The following PPP1R3F variants were observed in gnomAD, a reference collection of about 807,000 sequenced individuals.
PPP1R3F encodes the protein protein phosphatase 1 regulatory subunit 3F.
PPP1R3F carries 29 observed loss-of-function variants against 24.2 expected under a neutral mutation model. That is an observed-to-expected ratio of 1.20 (90% CI 0.89 to 1.63). PPP1R3F has a LOEUF of 1.63. Among genes scored for constraint, PPP1R3F ranks in the 40% most tolerant of loss-of-function variants. The pLI, the probability that PPP1R3F is intolerant of heterozygous loss-of-function variation, is 0.00. For synonymous variants in PPP1R3F, 363 were observed against 340.1 expected, an observed-to-expected ratio of 1.07 and a Z score of -0.74; for missense variants, 823 against 729.3, an observed-to-expected ratio of 1.13 and a Z score of -1.48.
chrX:49,282,493 GTT>G (rs1396737646), intron 3 of PPP1R3F, among the ~76,000 whole-genome samples: 4 of 80,875 alleles, frequency 4.9e-5, no homozygotes, highest in East Asian at 4.1e-4. Context: ...GTGTGTGTGT[GTT>G]GTGGGCGGGG....
chrX:49,271,008 G>C (rs1557119224), intron 1 of PPP1R3F, 135 bp downstream of exon 1: 2 of 616,669 alleles, frequency 3.2e-6, no homozygotes, highest in East Asian at 3.6e-5. Flanking sequence ...CAGTCAAAGA[G>C]TGATGGAGGT....
intron 3 of PPP1R3F, 142 bp from the exon 4 acceptor site, chrX:49,285,692 G>A (rs1337819133): frequency 1.5e-4 from 77 of 504,547 alleles, no homozygotes; most frequent in Non-Finnish European, 2.2e-4. Context: ...GACAGAGGGC[G>A]CTTTAAGGCA....
Position 49,287,836 on chromosome X carries a change from G to A in PPP1R3F, c.*746G>A, listed in dbSNP as rs2066297143. 9.0e-6 allele frequency: 1 copy of A among 111,402 alleles called. No individual in the cohort carries two copies. The highest frequency in any genetic ancestry group is 1.9e-5 in the Non-Finnish European group (1 of 53,124). The allele number at this position is 111,402 out of a possible 1,213,427, so 9.2% of individuals were successfully genotyped here. A position where few individuals can be genotyped will look rare whatever the true frequency, so the allele number is the denominator to read the frequency against. ...GTGGTAGCTGTGGTCTCCTGTGGATGTGGGGACATCAGTTGTGAATCAGCC... is the reference window on the plus strand; with the variant it reads ...GTGGTAGCTGTGGTCTCCTGTGGATATGGGGACATCAGTTGTGAATCAGCC... On this transcript the variant is annotated 3_prime_UTR_variant, in exon 4 of 4. Coordinates refer to ENST00000055335, the MANE Select transcript of PPP1R3F (RefSeq NM_033215.5).
At position 49,282,040 on chromosome X, in the gene PPP1R3F, C is replaced by G; in HGVS notation, c.1120C>G (p.Pro374Ala). Residue 374 changes from proline (P) to alanine (A), a missense_variant, in exon 3 of 4, where the codon CCA becomes GCA. Physicochemically the swap from Pro to Ala is conservative, Grantham distance 27. Coordinates refer to ENST00000055335, the MANE Select transcript of PPP1R3F (RefSeq NM_033215.5). ...GPLVAPTPLRPWPQMTLQVSD... is the reference protein window; with the variant it reads ...GPLVAPTPLRAWPQMTLQVSD... ...ACTGGTAGCCCCCACCCCTCTCCGTCCATGGCCCCAGATGACACTTCAGGT... is the reference window on the plus strand; with the variant it reads ...ACTGGTAGCCCCCACCCCTCTCCGTGCATGGCCCCAGATGACACTTCAGGT... The G allele has an allele frequency of 1.7e-6, 2 of 1,208,265 alleles. No individual in the cohort carries two copies. Among genetic ancestry groups the G allele is most frequent in the Non-Finnish European group, 2.2e-6 (2 of 892,358 alleles).
chrX:49,275,930 C>T (rs782235085), intron 1 of PPP1R3F, among the ~76,000 whole-genome samples: 5 of 112,512 alleles, frequency 4.4e-5, no homozygotes, highest in Non-Finnish European at 7.5e-5. Flanking sequence ...GGGATCCAAC[C>T]TGCTATCTGA....
intron 1 of PPP1R3F, among the ~76,000 whole-genome samples, chrX:49,280,448 C>T (rs782098101): frequency 9.1e-5 from 10 of 109,353 alleles, no homozygotes; most frequent in African/African-American, 3.3e-4. Flanking sequence ...GGAGTTTCAC[C>T]ATGTTGGCCA....
At chrX:49,294,751 A>C (rs899820117) in intron 3 of PPP1R3F, among the ~76,000 whole-genome samples, 20 of 108,785 alleles carry the variant, frequency 1.8e-4, no homozygotes, top group Non-Finnish European at 3.1e-4. Flanking sequence ...TCTACTAAAA[A>C]TACAAAAAAT....
rs1351845061 is a variant in PPP1R3F at position 49,269,830 on chromosome X, TCCCGCCGCC to T, written c.-39_-31del. ...CCCCTTCAGGCCCTGCCCCCGCCGG[TCCCGCCGCC>T]GGTGCCGTCGGTGCCGCCGCCGCCG... On this transcript the variant is annotated 5_prime_UTR_variant, in exon 1 of 4. Coordinates refer to ENST00000055335, the MANE Select transcript of PPP1R3F (RefSeq NM_033215.5). 81 of 851,582 alleles carry T rather than the reference TCCCGCCGCC, an allele frequency of 9.5e-5. No homozygotes were observed. Among genetic ancestry groups the T allele is most frequent in the Non-Finnish European group, 1.1e-4 (76 of 694,415 alleles). 70.2% of individuals were successfully genotyped at this position (851,582 alleles called of 1,213,427 possible).
chrX:49,276,941 G>A (rs184413565), intron 1 of PPP1R3F, among the ~76,000 whole-genome samples: 26 of 112,502 alleles, frequency 2.3e-4, no homozygotes, highest in African/African-American at 8.4e-4. Context: ...GAAAGTCAGC[G>A]TTATCTTCAG....
chrX:49,285,040 T>C (rs782359337), intron 3 of PPP1R3F, among the ~76,000 whole-genome samples: 19 of 111,669 alleles, frequency 1.7e-4, no homozygotes, highest in Non-Finnish European at 3.2e-4. Flanking sequence ...CATTTTATTT[T>C]TTTTAAAATT....
chrX:49,287,757 C>T lies in PPP1R3F; in HGVS notation c.*667C>T, dbSNP rs1335441383. On this transcript the variant is annotated 3_prime_UTR_variant, in exon 4 of 4. Transcript: ENST00000055335. ...GTATTTGGATGGTGGTGGTGGGAGCCAGGGAGGAAGAGTGGCAGCCACATG... is the reference window on the plus strand; with the variant it reads ...GTATTTGGATGGTGGTGGTGGGAGCTAGGGAGGAAGAGTGGCAGCCACATG... 1 of 111,701 alleles carries T rather than the reference C, an allele frequency of 9.0e-6. No homozygotes were observed. Among genetic ancestry groups the T allele is most frequent in the Admixed American group, 9.5e-5 (1 of 10,474 alleles). 9.2% of individuals were successfully genotyped at this position (111,701 alleles called of 1,213,427 possible).
At position 49,270,504 on chromosome X, in the gene PPP1R3F, G is replaced by C. The variant is rs2066169027; in HGVS notation, c.635G>C (p.Gly212Ala). The change falls in exon 1 of 4, where the codon GGA becomes GCA. Residue 212 changes from glycine to alanine, a missense_variant. Physicochemically the swap from Gly to Ala is moderately conservative, Grantham distance 60. Transcript: ENST00000055335. ...CCGTGGGCAGGAGCGGGAGGAACAG[G>C]AGCAGGAGATCCCATCCTGGATCCG... ...SPPWAGAGGT[G>A]AGDPILDPGL... 1.7e-6 allele frequency: 2 copies of C among 1,206,138 alleles called. No individual in the cohort carries two copies. The highest frequency in any genetic ancestry group is 1.1e-6 in the Non-Finnish European group (1 of 895,032).
intron 1 of PPP1R3F, chrX:49,281,122 G>A (rs1041312210): frequency 3.9e-5 from 10 of 259,309 alleles, no homozygotes; most frequent in African/African-American, 2.8e-4. Flanking sequence ...AAATGATTTC[G>A]TAGAATATCT....
chrX:49,279,590 A>T (rs190627329), intron 1 of PPP1R3F, among the ~76,000 whole-genome samples: 1 of 112,036 alleles, frequency 8.9e-6, no homozygotes, highest in African/African-American at 3.2e-5. Context: ...AGGCTGAGGC[A>T]GGAGAATCAC....
Position 49,270,138 on chromosome X carries a change from A to AT in PPP1R3F, c.269_270insT (p.Glu90AspfsTer162). The AT allele has an allele frequency of 9.4e-7, 1 of 1,068,014 alleles. No homozygotes were observed. The highest frequency in any genetic ancestry group is 1.2e-6 in the Non-Finnish European group (1 of 829,936). The allele number at this position is 1,068,014 out of a possible 1,213,427, so 88.0% of individuals were successfully genotyped here. A position where few individuals can be genotyped will look rare whatever the true frequency, so the allele number is the denominator to read the frequency against. ...GACGACGATGGCGAGGATGGGGATGAAGGGGAGGAGGAAGAGGAGGCTTGC... is the reference window on the plus strand; with the variant it reads ...GACGACGATGGCGAGGATGGGGATGATAGGGGAGGAGGAAGAGGAGGCTTGC... On this transcript the variant is annotated frameshift_variant, in exon 1 of 4. Coordinates refer to ENST00000055335, the MANE Select transcript of PPP1R3F (RefSeq NM_033215.5). LOFTEE classifies it high-confidence loss of function.
At chrX:49,275,591 G>C (rs2066207438) in intron 1 of PPP1R3F, 1 of 111,320 alleles carries the variant, frequency 9.0e-6, no homozygotes, top group South Asian at 3.8e-4. Context: ...TAAAGGCACT[G>C]ATCGCAGTTT....
chrX:49,283,263 G>GT (rs139113296), intron 3 of PPP1R3F, among the ~76,000 whole-genome samples: 567 of 102,032 alleles, frequency 5.6e-3, no homozygotes, highest in African/African-American at 0.015. Flanking sequence ...ACTCTTTTTT[G>GT]TTTTTTTTTT....
chrX:49,278,717 T>A (rs2066229237), intron 1 of PPP1R3F, among the ~76,000 whole-genome samples: 1 of 112,683 alleles, frequency 8.9e-6, no homozygotes, highest in East Asian at 2.8e-4. Flanking sequence ...CTTGCAGCCA[T>A]TCTGTGTCTA....
chrX:49,296,472 C>G (rs1214095815), intron 3 of PPP1R3F, among the ~76,000 whole-genome samples: 1 of 111,406 alleles, frequency 9.0e-6, no homozygotes, highest in Non-Finnish European at 1.9e-5. Flanking sequence ...AAACCAGCTC[C>G]TGGATTTGTT....
Sources: gnomAD v4.1 joint callset for allele counts (sites outside exome capture counted in the v4.1 genomes callset) on GRCh38, gnomAD v4.1.1 for gene constraint, MANE v1.5 for transcripts, NCBI Gene and HGNC (gene_info 2026-07-23, HGNC 2026-07-21) for gene names.